PLCXD3: variants seen among roughly 807,000 people sequenced by gnomAD.
PLCXD3 encodes phosphatidylinositol specific phospholipase C X domain containing 3.
Under a neutral mutation model 25.5 loss-of-function variants are expected in PLCXD3, and 19 were observed. The observed-to-expected ratio is 0.75, with a 90% CI of 0.52 to 1.09. PLCXD3 has a LOEUF of 1.09. Ranked by LOEUF, PLCXD3 falls within the 50% of genes least tolerant of loss-of-function variation. The probability of loss-of-function intolerance (pLI) is 0.00; values close to 1 mark genes in which losing one functional copy is unlikely to be tolerated. For synonymous variants in PLCXD3, 174 were observed against 137.6 expected, an observed-to-expected ratio of 1.26 and a Z score of -1.85; for missense variants, 411 against 388.1, an observed-to-expected ratio of 1.06 and a Z score of -0.50.
chr5:41,319,788 G>T (rs964810116), intron 2 of PLCXD3, among the ~76,000 whole-genome samples: 2 of 151,708 alleles, frequency 1.3e-5, no homozygotes. Context: ...CAATTGAAAT[G>T]AAAAAAATAC....
chr5:41,508,756 G>A (rs1738942226), intron 1 of PLCXD3, among the ~76,000 whole-genome samples: 1 of 152,128 alleles, frequency 6.6e-6, no homozygotes, highest in Admixed American at 6.5e-5. Context: ...AAACATTCAG[G>A]GGAAACCATG....
rs145168050 is a variant in PLCXD3 at position 41,329,238 on chromosome 5, C to A, written c.813-15468G>T. 3.7e-4 allele frequency among the ~76,000 whole-genome samples: 56 copies of A among 152,332 alleles called. No individual in the cohort carries two copies. In the East Asian group the frequency reaches 6.9e-3, roughly 19 times the overall value. On this transcript the variant is annotated intron_variant, in intron 2 of 2. Coordinates refer to ENST00000377801, the MANE Select transcript of PLCXD3 (RefSeq NM_001005473.3). ...GGTCCTGACTAGAGTAACGTACTTT[C>A]ATCTTTCAGGTGAAAGTTTAAATGT... is the stretch of plus-strand genomic sequence containing the variant.
intron 2 of PLCXD3, among the ~76,000 whole-genome samples, chr5:41,350,805 A>G (rs556330375): frequency 2.2e-4 from 33 of 152,326 alleles, no homozygotes; most frequent in African/African-American, 7.9e-4. Flanking sequence ...TAATAAGTAT[A>G]TTGCATAAGC....
At chr5:41,329,676 G>C (rs1158649663) in intron 2 of PLCXD3, among the ~76,000 whole-genome samples, 1 of 151,718 alleles carries the variant, frequency 6.6e-6, no homozygotes, top group Admixed American at 6.6e-5. Flanking sequence ...GCCTTTCCTT[G>C]TGTTGTACAT....
chr5:41,434,047 A>T (rs1747177112), intron 1 of PLCXD3, among the ~76,000 whole-genome samples: 2 of 152,208 alleles, frequency 1.3e-5, no homozygotes, highest in South Asian at 4.1e-4. Flanking sequence ...AGCAGGAGCC[A>T]TTCACTTCTA....
chr5:41,430,733 G>A (rs1327560839), intron 1 of PLCXD3, among the ~76,000 whole-genome samples: 5 of 152,090 alleles, frequency 3.3e-5, no homozygotes, highest in African/African-American at 4.8e-5. Flanking sequence ...AGTAATTAGC[G>A]CTGGCATAAT....
intron 2 of PLCXD3, among the ~76,000 whole-genome samples, chr5:41,333,074 C>A (rs1051523731): frequency 2.3e-4 from 35 of 151,936 alleles, no homozygotes; most frequent in African/African-American, 8.2e-4. Flanking sequence ...TGCACATGTA[C>A]CCTAGAACTT....
chr5:41,376,690 C>T (rs1260436406), intron 2 of PLCXD3, among the ~76,000 whole-genome samples: 1 of 152,120 alleles, frequency 6.6e-6, no homozygotes, highest in African/African-American at 2.4e-5. Flanking sequence ...TATCTCTCTC[C>T]TCTAAGTTAC....
intron 2 of PLCXD3, among the ~76,000 whole-genome samples, chr5:41,331,397 A>G (rs1743800175): frequency 6.6e-6 from 1 of 152,170 alleles, no homozygotes; most frequent in African/African-American, 2.4e-5. Context: ...GAAGTGAAGG[A>G]CCTCTTCAAG....
intron 1 of PLCXD3, among the ~76,000 whole-genome samples, chr5:41,487,467 T>C (rs1192342333): frequency 6.6e-6 from 1 of 152,216 alleles, no homozygotes; most frequent in Non-Finnish European, 1.5e-5. Flanking sequence ...ACATTGACTA[T>C]AGGCCAGGGA....
At chr5:41,449,401 C>T (rs1747577087) in intron 1 of PLCXD3, among the ~76,000 whole-genome samples, 1 of 152,130 alleles carries the variant, frequency 6.6e-6, no homozygotes, top group African/African-American at 2.4e-5. Context: ...TTCTAATTTT[C>T]TAAACTATAC....
At chr5:41,407,112 C>T (rs1377508917) in intron 1 of PLCXD3, among the ~76,000 whole-genome samples, 1 of 151,970 alleles carries the variant, frequency 6.6e-6, no homozygotes, top group Non-Finnish European at 1.5e-5. Flanking sequence ...TATCAAATCC[C>T]TAAGCATGGC....
intron 1 of PLCXD3, among the ~76,000 whole-genome samples, chr5:41,383,381 C>A (rs1316708282): frequency 6.6e-6 from 1 of 151,934 alleles, no homozygotes; most frequent in East Asian, 1.9e-4. Context: ...TTGGCAGTTG[C>A]AAATTTCAAG....
At chr5:41,393,293 TGAA>T (rs1745892898) in intron 1 of PLCXD3, among the ~76,000 whole-genome samples, 1 of 152,036 alleles carries the variant, frequency 6.6e-6, no homozygotes, top group Non-Finnish European at 1.5e-5. Flanking sequence ...AGCTCATGGA[TGAA>T]GAAGGGATCC....
At chr5:41,401,380 T>C (rs144691849) in intron 1 of PLCXD3, among the ~76,000 whole-genome samples, 45 of 152,216 alleles carry the variant, frequency 3.0e-4, no homozygotes, top group African/African-American at 1.0e-3. Flanking sequence ...TTAGTTACTA[T>C]GGATGACACG....
At chr5:41,393,771 GA>G (rs979388145) in intron 1 of PLCXD3, among the ~76,000 whole-genome samples, 6 of 150,442 alleles carry the variant, frequency 4.0e-5, no homozygotes, top group East Asian at 2.0e-4. Context: ...TACAAAAAAA[GA>G]AAAAAAAATT....
At chr5:41,490,332 T>G (rs1299195870) in intron 1 of PLCXD3, among the ~76,000 whole-genome samples, 1 of 152,236 alleles carries the variant, frequency 6.6e-6, no homozygotes, top group Non-Finnish European at 1.5e-5. Flanking sequence ...CTGGATTCAG[T>G]TTGCCAGTAT....
At chr5:41,494,857 A>G (rs1748800276) in intron 1 of PLCXD3, among the ~76,000 whole-genome samples, 1 of 152,222 alleles carries the variant, frequency 6.6e-6, no homozygotes, top group Non-Finnish European at 1.5e-5. Flanking sequence ...AGATTTCCTT[A>G]GATGGCAATA....
intron 1 of PLCXD3, among the ~76,000 whole-genome samples, chr5:41,441,488 C>T (rs1304673383): frequency 3.3e-5 from 5 of 152,134 alleles, no homozygotes; most frequent in South Asian, 4.1e-4. Flanking sequence ...ATTAGTTTCT[C>T]ACCTGGGAAA....
Sources: gnomAD v4.1 joint callset for allele counts (sites outside exome capture counted in the v4.1 genomes callset) on GRCh38, gnomAD v4.1.1 for gene constraint, MANE v1.5 for transcripts, NCBI Gene and HGNC (gene_info 2026-07-23, HGNC 2026-07-21) for gene names.